The following STK32B variants were observed in gnomAD, a reference collection of about 807,000 sequenced individuals.
STK32B encodes the protein serine/threonine-protein kinase 32B.
STK32B carries 43 observed loss-of-function variants against 52.6 expected under a neutral mutation model. The observed-to-expected ratio is 0.82, with a 90% CI of 0.64 to 1.05. The LOEUF (loss-of-function observed/expected upper bound fraction) is 1.05. Among genes scored for constraint, STK32B ranks in the 50% least tolerant of loss-of-function variants. The probability of loss-of-function intolerance (pLI) is 0.00; values close to 1 mark genes in which losing one functional copy is unlikely to be tolerated. For synonymous variants in STK32B, 238 were observed against 204.3 expected, an observed-to-expected ratio of 1.17 and a Z score of -1.41; for missense variants, 621 against 534.6, an observed-to-expected ratio of 1.16 and a Z score of -1.59.
chr4:5,308,572 G>A (rs552913804), intron 3 of STK32B, among the ~76,000 whole-genome samples: 5 of 152,120 alleles, frequency 3.3e-5, no homozygotes, highest in East Asian at 3.9e-4. Context: ...GAAAGTTAGC[G>A]TCATTCATTT....
chr4:5,485,666 CT>C (rs1222069696), intron 11 of STK32B, among the ~76,000 whole-genome samples: 1 of 152,176 alleles, frequency 6.6e-6, no homozygotes, highest in Admixed American at 6.5e-5. Flanking sequence ...AGGCACTCTG[CT>C]TTTTAGAGTT....
At chr4:5,403,488 C>T (rs911334567) in intron 5 of STK32B, among the ~76,000 whole-genome samples, 2 of 152,208 alleles carry the variant, frequency 1.3e-5, no homozygotes, top group African/African-American at 4.8e-5. Flanking sequence ...CATGACATAG[C>T]CTGCGCCCTA....
chr4:5,444,487 C>G (rs185971080), intron 6 of STK32B, among the ~76,000 whole-genome samples: 3 of 152,210 alleles, frequency 2.0e-5, no homozygotes, highest in African/African-American at 7.2e-5. Context: ...ACCCACTGAC[C>G]TGCGCCCACT....
chr4:5,412,632 A>T (rs139810579), intron 5 of STK32B, among the ~76,000 whole-genome samples: 56 of 152,270 alleles, frequency 3.7e-4, no homozygotes, highest in Non-Finnish European at 7.4e-4. Context: ...CCCCAACACT[A>T]GTGACTGGAA....
intron 3 of STK32B, among the ~76,000 whole-genome samples, chr4:5,270,789 T>C (rs1305697298): frequency 2.0e-5 from 3 of 152,336 alleles, no homozygotes; most frequent in Non-Finnish European, 4.4e-5. Context: ...TATGCTTATG[T>C]CATTTATCTG....
rs531640258 is a variant in STK32B at position 5,500,667 on chromosome 4, T to TAA, written c.*1589_*1590dup. On this transcript the variant is annotated 3_prime_UTR_variant, in exon 12 of 12. Coordinates refer to ENST00000282908, the MANE Select transcript of STK32B (RefSeq NM_018401.3). Reference sequence around the variant, plus strand: ...GGTTAGGTTTTATATTTTTATTTTTTAAAAAAGAAATAGTCAGTGTTTTCC... The same window carrying TAA: ...GGTTAGGTTTTATATTTTTATTTTTTAAAAAAAAGAAATAGTCAGTGTTTTCC... 1.3e-5 allele frequency: 2 copies of TAA among 152,158 alleles called. No individual in the cohort carries two copies. The highest frequency in any genetic ancestry group is 1.3e-4 in the Admixed American group (2 of 15,286). The allele number at this position is 152,158 out of a possible 1,614,324, so 9.4% of individuals were successfully genotyped here.
rs1318954181 is a variant in STK32B at position 5,139,957 on chromosome 4, A to G, written c.105A>G (p.Gly35=). ...GGGCCATTGGTAAAGGGAGTTTTGGAAAGGTAAGAATATAAATGTCTGGAC... is the reference window on the plus strand; with the variant it reads ...GGGCCATTGGTAAAGGGAGTTTTGGGAAGGTAAGAATATAAATGTCTGGAC... The part of the protein sequence containing the change: ...ILRAIGKGSF[G]KVCIVQKRDT... Residue 35 remains glycine, a synonymous_variant, in exon 2 of 12, where the codon GGA becomes GGG. Transcript: ENST00000282908. The G allele has an allele frequency of 6.8e-6, 11 of 1,614,012 alleles. No individual in the cohort carries two copies. In the African/African-American group the frequency reaches 1.3e-4, roughly 20 times the overall value.
intron 3 of STK32B, among the ~76,000 whole-genome samples, chr4:5,240,628 T>A (rs1724958297): frequency 6.6e-6 from 1 of 152,042 alleles, no homozygotes; most frequent in Non-Finnish European, 1.5e-5. Flanking sequence ...CCCAGCTAAT[T>A]TTTGTATTTT....
rs575519616 is a variant in STK32B at position 5,345,743 on chromosome 4, G to A, written c.434+14350G>A. On this transcript the variant is annotated intron_variant, in intron 4 of 11. Coordinates refer to ENST00000282908, the MANE Select transcript of STK32B (RefSeq NM_018401.3). Reference sequence around the variant, plus strand: ...TACTATCTCTATTCTGATAACCTATGGTAATCAAGTTCTTCAACAACACGT... The same window carrying A: ...TACTATCTCTATTCTGATAACCTATAGTAATCAAGTTCTTCAACAACACGT... Among the ~76,000 whole-genome samples, 17 of 152,272 alleles carry A rather than the reference G, an allele frequency of 1.1e-4. No homozygotes were observed. The South Asian group carries it at 3.5e-3, about 32-fold the overall frequency.
chr4:5,490,343 G>C (rs538154288), intron 11 of STK32B, among the ~76,000 whole-genome samples: 98 of 152,146 alleles, frequency 6.4e-4, no homozygotes, highest in African/African-American at 2.3e-3. Context: ...CTGACCTCAG[G>C]TGATCCACCC....
chr4:5,385,407 T>C (rs1736183483), intron 4 of STK32B, among the ~76,000 whole-genome samples: 1 of 145,690 alleles, frequency 6.9e-6, no homozygotes, highest in Non-Finnish European at 1.5e-5. Flanking sequence ...ATAAAGGGCA[T>C]GGTCCCAAGG....
chr4:5,071,290 G>C (rs1159248274), intron 1 of STK32B, among the ~76,000 whole-genome samples: 2 of 152,124 alleles, frequency 1.3e-5, no homozygotes, highest in Non-Finnish European at 2.9e-5. Context: ...CATACTATTG[G>C]CTATGTTTGC....
At position 5,469,021 on chromosome 4, in the gene STK32B, A is replaced by C. The variant is rs1369494347; in HGVS notation, c.1106+951A>C. On this transcript the variant is annotated intron_variant, in intron 11 of 11. Transcript: ENST00000282908. This position sits in a 1 kb window ranked among gnomAD's most constrained non-coding sequence, Gnocchi z 4.7. Reference sequence around the variant, plus strand: ...GCCGAGATCGCGCACACTGCACTCCAGCCTGGGCGACAGAGCAAGACTCCG... The same window carrying C: ...GCCGAGATCGCGCACACTGCACTCCCGCCTGGGCGACAGAGCAAGACTCCG... Among the ~76,000 whole-genome samples, 3 of 150,244 alleles carry C rather than the reference A, an allele frequency of 2.0e-5. No homozygotes were observed. The highest frequency in any genetic ancestry group is 4.4e-5 in the Non-Finnish European group (3 of 67,770).
chr4:5,045,772 G>A, the STK32B span, among the ~76,000 whole-genome samples: 1 of 152,120 alleles, frequency 6.6e-6, no homozygotes, highest in African/African-American at 2.4e-5. Flanking sequence ...CCGAGACTTT[G>A]CTGAAGTTGC....
chr4:5,095,980 A>G (rs1482550868), intron 1 of STK32B, among the ~76,000 whole-genome samples: 1 of 152,206 alleles, frequency 6.6e-6, no homozygotes, highest in Non-Finnish European at 1.5e-5. Context: ...AAAAAATTCT[A>G]CTGGATATTA....
intron 3 of STK32B, among the ~76,000 whole-genome samples, chr4:5,196,109 T>C (rs1265145596): frequency 6.6e-6 from 1 of 152,076 alleles, no homozygotes; most frequent in Non-Finnish European, 1.5e-5. Context: ...TAAGACTTTC[T>C]CCTCCATATG....
chr4:5,079,420 G>C (rs984013422), intron 1 of STK32B, among the ~76,000 whole-genome samples: 2 of 152,164 alleles, frequency 1.3e-5, no homozygotes, highest in East Asian at 3.9e-4. Flanking sequence ...GCCAGTTCTT[G>C]GCTCACTGCA....
chr4:5,034,330 T>C, the STK32B span, among the ~76,000 whole-genome samples: 3 of 152,244 alleles, frequency 2.0e-5, no homozygotes, highest in African/African-American at 7.2e-5. Context: ...ACCTCTCTCA[T>C]ACGTGGGCGT....
chr4:5,324,715 G>A (rs1167366960), intron 3 of STK32B, among the ~76,000 whole-genome samples: 1 of 152,188 alleles, frequency 6.6e-6, no homozygotes, highest in Non-Finnish European at 1.5e-5. Flanking sequence ...CTCTGGGTTT[G>A]GGAACCCTGC....
Sources: allele counts gnomAD v4.1 joint callset (sites outside exome capture counted in the v4.1 genomes callset), GRCh38; gene constraint gnomAD v4.1.1; non-coding constraint Gnocchi (gnomAD v3.1); transcripts MANE v1.5; gene names NCBI Gene and HGNC (gene_info 2026-07-23, HGNC 2026-07-21).